Variants in VPS45 observed in about 807,000 individuals in gnomAD.
VPS45 encodes the protein vacuolar protein sorting 45 homolog.
Under a neutral mutation model 75.9 loss-of-function variants are expected in VPS45, and 35 were observed. The observed-to-expected ratio is 0.46, with a 90% CI of 0.35 to 0.61. The LOEUF (loss-of-function observed/expected upper bound fraction) is 0.61, where lower values mean the gene tolerates loss of function less well. Ranked by LOEUF, VPS45 falls within the 20% of genes least tolerant of loss-of-function variation. The pLI is 0.00. For missense variants in VPS45, 559 were observed against 685.9 expected (o/e 0.81, Z 2.07); for synonymous variants, 220 against 238.2 (o/e 0.92, Z 0.70).
intron 3 of VPS45, 136 bp from the exon 4 acceptor site, chr1:150,076,097 T>C: frequency 3.8e-6 from 1 of 266,334 alleles, no homozygotes. Flanking sequence ...ATTATGAATT[T>C]GTGGATTAAA....
intron 14 of VPS45, among the ~76,000 whole-genome samples, chr1:150,119,464 A>T (rs1553809116): frequency 6.6e-6 from 1 of 152,220 alleles, no homozygotes; most frequent in African/African-American, 2.4e-5. Flanking sequence ...ACAGGCCAAA[A>T]GAATTAGTGA....
chr1:150,116,402 A>C (rs1332951238), intron 14 of VPS45, among the ~76,000 whole-genome samples: 1 of 152,218 alleles, frequency 6.6e-6, no homozygotes, highest in Non-Finnish European at 1.5e-5. Context: ...CACTGTACTG[A>C]AAGTACTTTA....
intron 10 of VPS45, among the ~76,000 whole-genome samples, chr1:150,091,072 A>G (rs587674616): frequency 6.6e-6 from 1 of 152,328 alleles, no homozygotes; most frequent in Admixed American, 6.5e-5. Flanking sequence ...TGTTAAACTG[A>G]CACCATTTCC....
chr1:150,077,587 T>C, intron 6 of VPS45, 82 bp from the exon 7 acceptor site: 2 of 958,728 alleles, frequency 2.1e-6, no homozygotes, highest in Non-Finnish European at 3.3e-6. Context: ...TTGTTAAATG[T>C]AGTGTTTATT....
At position 150,094,665 on chromosome 1, in the gene VPS45, T is replaced by C. The variant is rs1276449241; in HGVS notation, c.1493+1017T>C. ...ACCTTGGGATCAAGATTCAGAAATG[T>C]CAGCTAAGTGGGAAGAATGAACGCC... On this transcript the variant is annotated intron_variant, in intron 13 of 14. Transcript: ENST00000644510. Among the ~76,000 whole-genome samples the C allele has an allele frequency of 3.3e-5, 5 of 152,224 alleles. 1 individual carries two copies. Among genetic ancestry groups the C allele is most frequent in the African/African-American group, 1.2e-4 (5 of 41,464 alleles).
chr1:150,073,444 A>G (rs1256423417), intron 3 of VPS45, among the ~76,000 whole-genome samples: 1 of 152,194 alleles, frequency 6.6e-6, no homozygotes, highest in African/African-American at 2.4e-5. Flanking sequence ...AGTTCTGTGT[A>G]GAATTGAAAA....
intron 13 of VPS45, among the ~76,000 whole-genome samples, chr1:150,094,238 T>G (rs2101571616): frequency 6.7e-6 from 1 of 149,466 alleles, no homozygotes; most frequent in Non-Finnish European, 1.5e-5. Context: ...AAATACTGTA[T>G]ACATAAATTC....
At position 150,069,668 on chromosome 1, in the gene VPS45, G is replaced by C. The variant is rs587754535; in HGVS notation, c.228+904G>C. The stretch of plus-strand genomic sequence containing the variant: ...AGACAGGGTTTCACTGTGTTAGCCA[G>C]GATGGTCTTGATCTCCTGACCTCAT... On this transcript the variant is annotated intron_variant, in intron 2 of 14. Transcript: ENST00000644510. Among the ~76,000 whole-genome samples the C allele has an allele frequency of 9.2e-5, 14 of 152,124 alleles. No individual in the cohort carries two copies. The East Asian group carries it at 2.7e-3, about 29-fold the overall frequency.
At chr1:150,118,037 C>A (rs1314839277) in intron 14 of VPS45, among the ~76,000 whole-genome samples, 5 of 151,984 alleles carry the variant, frequency 3.3e-5, no homozygotes, top group African/African-American at 1.2e-4. Flanking sequence ...ATTTTGAGCA[C>A]TGTGGAAGGC....
chr1:150,114,904 TA>T (rs11437363), intron 14 of VPS45, among the ~76,000 whole-genome samples: 3,159 of 143,500 alleles, frequency 0.022, 95 homozygotes, highest in African/African-American at 0.076. Context: ...GACCCTGTCT[TA>T]AAAAAAAAAA....
At chr1:150,081,522 TAAG>T in intron 8 of VPS45, 46 bp downstream of exon 8, 1 of 1,571,996 alleles carries the variant, frequency 6.4e-7, no homozygotes, top group South Asian at 1.2e-5. Flanking sequence ...TGTTTTTATG[TAAG>T]AAGATCAATA....
At chr1:150,107,543 C>T (rs764608240) in intron 13 of VPS45, among the ~76,000 whole-genome samples, 2 of 152,116 alleles carry the variant, frequency 1.3e-5, no homozygotes, top group Non-Finnish European at 2.9e-5. Flanking sequence ...TTTTATTCTC[C>T]AACTTTTCCC....
At chr1:150,118,628 A>T (rs1224737181) in intron 14 of VPS45, among the ~76,000 whole-genome samples, 3 of 152,074 alleles carry the variant, frequency 2.0e-5, no homozygotes, top group African/African-American at 7.2e-5. Context: ...CTGGTCTCGA[A>T]CTCTGGACCT....
chr1:150,086,176 G>A (rs1553800620), intron 10 of VPS45, among the ~76,000 whole-genome samples: 1 of 152,044 alleles, frequency 6.6e-6, no homozygotes, highest in Non-Finnish European at 1.5e-5. Flanking sequence ...ATAGAGTAGT[G>A]GCTAAGAGCT....
intron 13 of VPS45, among the ~76,000 whole-genome samples, chr1:150,105,717 A>T: frequency 6.6e-6 from 1 of 152,224 alleles, no homozygotes. Flanking sequence ...CACAATTCCT[A>T]TCAATTTACC....
At chr1:150,087,319 G>A (rs140348091) in intron 10 of VPS45, among the ~76,000 whole-genome samples, 119 of 152,246 alleles carry the variant, frequency 7.8e-4, no homozygotes, top group Middle Eastern at 6.8e-3. Flanking sequence ...TTCGAATCCT[G>A]TCTTCTTAAG....
chr1:150,084,998 ATTG>A (rs1655928191), intron 10 of VPS45, among the ~76,000 whole-genome samples: 1 of 151,786 alleles, frequency 6.6e-6, no homozygotes, highest in South Asian at 2.1e-4. Context: ...ACTGGGACTT[ATTG>A]TTGTTGGGTT....
chr1:150,122,415 G>A (rs367822645), intron 14 of VPS45, among the ~76,000 whole-genome samples: 3 of 152,198 alleles, frequency 2.0e-5, no homozygotes, highest in African/African-American at 4.8e-5. Flanking sequence ...CATGCAATGC[G>A]TTGGAGGAGC....
At chr1:150,070,034 C>G (rs757215511) in intron 2 of VPS45, among the ~76,000 whole-genome samples, 1 of 152,140 alleles carries the variant, frequency 6.6e-6, no homozygotes, top group Non-Finnish European at 1.5e-5. Flanking sequence ...CCGCTATATT[C>G]CCCTTGTCCC....
Sources: allele counts gnomAD v4.1 joint callset (sites outside exome capture counted in the v4.1 genomes callset), GRCh38; gene constraint gnomAD v4.1.1; transcripts MANE v1.5; gene names NCBI Gene and HGNC (gene_info 2026-07-23, HGNC 2026-07-21).